The following LYRM4 variants were observed in gnomAD, a reference collection of about 807,000 sequenced individuals.
The protein encoded by LYRM4 is LYR motif containing 4.
Under a neutral mutation model 11.7 loss-of-function variants are expected in LYRM4, and 9 were observed. That is an observed-to-expected ratio of 0.77 (90% CI 0.46 to 1.34). The LOEUF (loss-of-function observed/expected upper bound fraction) is 1.34. LYRM4 is among the 40% of genes most tolerant of loss of function. The pLI is 0.00. For synonymous variants in LYRM4, 42 were observed against 40.4 expected, an observed-to-expected ratio of 1.04 and a Z score of -0.15; for missense variants, 133 against 112.5, an observed-to-expected ratio of 1.18 and a Z score of -0.82.
chr6:5,109,212 G>C lies in LYRM4; in HGVS notation c.*211C>G. On this transcript the variant is annotated 3_prime_UTR_variant, in exon 3 of 3. Coordinates refer to ENST00000330636, the MANE Select transcript of LYRM4 (RefSeq NM_020408.6). The stretch of plus-strand genomic sequence containing the variant: ...ACAGCACTATTCTGAACGAACTCCA[G>C]CTCTCCATTCTAACACTTGAACCAA... The C allele has an allele frequency of 7.0e-7, 1 of 1,420,468 alleles. No individual in the cohort carries two copies. Among genetic ancestry groups the C allele is most frequent in the Non-Finnish European group, 9.2e-7 (1 of 1,087,618 alleles). 88.0% of individuals were successfully genotyped at this position (1,420,468 alleles called of 1,614,324 possible).
In LYRM4 at chr6:5,260,930, G is replaced by T. The variant is rs1029525217; in HGVS notation, c.-197C>A. The T allele has an allele frequency of 5.5e-5, 75 of 1,358,794 alleles. No homozygotes were observed. The African/African-American group carries it at 9.1e-4, about 17-fold the overall frequency. 84.2% of individuals were successfully genotyped at this position (1,358,794 alleles called of 1,614,324 possible). On this transcript the variant is annotated 5_prime_UTR_variant, in exon 1 of 3. Coordinates refer to ENST00000330636, the MANE Select transcript of LYRM4 (RefSeq NM_020408.6). ...CGCCAGGCGTCCCGCGCCGCTTCGGGGGCGGGCGCAGGCAGGGCTCGGGGC... is the reference window on the plus strand; with the variant it reads ...CGCCAGGCGTCCCGCGCCGCTTCGGTGGCGGGCGCAGGCAGGGCTCGGGGC...
intron 2 of LYRM4, among the ~76,000 whole-genome samples, chr6:5,157,467 G>C (rs1183791439): frequency 6.6e-6 from 1 of 150,776 alleles, no homozygotes; most frequent in Non-Finnish European, 1.5e-5. Context: ...AATGTTCTTT[G>C]CATGAGCCCT....
the LYRM4 span, among the ~76,000 whole-genome samples, chr6:5,051,040 A>T: frequency 1.3e-5 from 2 of 152,242 alleles, no homozygotes; most frequent in East Asian, 3.8e-4. Context: ...TGAAATTTTC[A>T]CTAGAGGACT....
At chr6:5,172,376 A>G (rs1031161718) in intron 2 of LYRM4, among the ~76,000 whole-genome samples, 7 of 152,184 alleles carry the variant, frequency 4.6e-5, no homozygotes, top group African/African-American at 1.7e-4. Context: ...ATTTCCAAAT[A>G]CTTTCGAGGG....
At chr6:5,171,849 A>C (rs952688532) in intron 2 of LYRM4, among the ~76,000 whole-genome samples, 1 of 152,148 alleles carries the variant, frequency 6.6e-6, no homozygotes, top group Non-Finnish European at 1.5e-5. Flanking sequence ...TTTTATCATG[A>C]TTTTTAGGTT....
intron 2 of LYRM4, among the ~76,000 whole-genome samples, chr6:5,178,407 C>T (rs552267216): frequency 2.0e-5 from 3 of 150,784 alleles, no homozygotes; most frequent in Non-Finnish European, 4.4e-5. Flanking sequence ...TAGGAATTCT[C>T]ACATGGTTCT....
chr6:5,063,858 C>T, the LYRM4 span, among the ~76,000 whole-genome samples: 2 of 152,224 alleles, frequency 1.3e-5, no homozygotes, highest in Non-Finnish European at 2.9e-5. Context: ...CCCAGCATGT[C>T]GGGAACCTGC....
chr6:5,167,593 A>G (rs1373847711), intron 2 of LYRM4, among the ~76,000 whole-genome samples: 1 of 152,216 alleles, frequency 6.6e-6, no homozygotes, highest in Non-Finnish European at 1.5e-5. Flanking sequence ...CCCCTGTCCG[A>G]TGAATGTTCT....
downstream of LYRM4, chr6:5,102,849 G>A (rs1041083889): frequency 1.3e-5 from 2 of 152,194 alleles, no homozygotes; most frequent in Non-Finnish European, 2.9e-5. Flanking sequence ...AAGACAGCAC[G>A]ACACTGACTT....
At chr6:5,040,676 T>A in the LYRM4 span, among the ~76,000 whole-genome samples, 1 of 152,192 alleles carries the variant, frequency 6.6e-6, no homozygotes, top group African/African-American at 2.4e-5. Flanking sequence ...AAAGAAAAGA[T>A]AAATGTTTAA....
chr6:5,255,346 C>G (rs143081177), intron 1 of LYRM4, among the ~76,000 whole-genome samples: 45 of 152,224 alleles, frequency 3.0e-4, no homozygotes, highest in Admixed American at 1.1e-3. Context: ...ATATAAGCAC[C>G]CAGTTGTCTT....
At chr6:5,222,949 TG>T (rs1378576648) in intron 1 of LYRM4, among the ~76,000 whole-genome samples, 4 of 152,086 alleles carry the variant, frequency 2.6e-5, no homozygotes, top group African/African-American at 9.7e-5. Context: ...GTATAACCTA[TG>T]AATAATAAGT....
At chr6:5,187,593 G>A (rs1164912851) in intron 2 of LYRM4, among the ~76,000 whole-genome samples, 2 of 152,056 alleles carry the variant, frequency 1.3e-5, no homozygotes, top group Non-Finnish European at 2.9e-5. Context: ...ATCACACCCC[G>A]GGGCCTGTCG....
chr6:5,067,991 A>C, the LYRM4 span, among the ~76,000 whole-genome samples: 1 of 152,218 alleles, frequency 6.6e-6, no homozygotes, highest in South Asian at 2.1e-4. Flanking sequence ...TCCTCACAAG[A>C]ACACCCTACA....
At chr6:5,200,249 C>T (rs1761309993) in intron 2 of LYRM4, among the ~76,000 whole-genome samples, 1 of 152,176 alleles carries the variant, frequency 6.6e-6, no homozygotes, top group African/African-American at 2.4e-5. Flanking sequence ...CCCTTAGCTG[C>T]ACTAGAAAAA....
intron 1 of LYRM4, among the ~76,000 whole-genome samples, chr6:5,259,284 T>A (rs1024576524): frequency 2.0e-5 from 3 of 152,258 alleles, no homozygotes; most frequent in African/African-American, 7.2e-5. Context: ...ATATTTCATG[T>A]GTTTCCTCAA....
the LYRM4 span, among the ~76,000 whole-genome samples, chr6:5,091,761 A>G: frequency 6.6e-6 from 1 of 152,252 alleles, no homozygotes; most frequent in African/African-American, 2.4e-5. Context: ...TATTTAAGTA[A>G]GTCATGAGTT....
chr6:5,075,594 AT>A, the LYRM4 span, among the ~76,000 whole-genome samples: 60 of 152,354 alleles, frequency 3.9e-4, no homozygotes, highest in African/African-American at 1.3e-3. Flanking sequence ...ACAAGAAGAC[AT>A]TATAATGAAA....
intron 2 of LYRM4, among the ~76,000 whole-genome samples, chr6:5,192,092 A>G (rs968657132): frequency 1.3e-5 from 2 of 152,230 alleles, no homozygotes; most frequent in East Asian, 3.8e-4. Context: ...TTATAGGACA[A>G]TGGAGGAAAT....
Sources: allele counts gnomAD v4.1 joint callset (sites outside exome capture counted in the v4.1 genomes callset), GRCh38; gene constraint gnomAD v4.1.1; transcripts MANE v1.5; gene names NCBI Gene and HGNC (gene_info 2026-07-23, HGNC 2026-07-21).